The following CSMD3 variants were observed in gnomAD, a reference collection of about 807,000 sequenced individuals.
The protein encoded by CSMD3 is CUB and Sushi multiple domains 3.
Under a neutral mutation model 435.2 loss-of-function variants are expected in CSMD3, and 177 were observed. The observed-to-expected ratio is 0.41, with a 90% CI of 0.36 to 0.46. The LOEUF (loss-of-function observed/expected upper bound fraction) is 0.46. Ranked by LOEUF, CSMD3 falls within the 20% of genes least tolerant of loss-of-function variation. The pLI is 0.34. For synonymous variants in CSMD3, 1,656 were observed against 1,520.5 expected, an observed-to-expected ratio of 1.09 and a Z score of -2.07; for missense variants, 4,265 against 4,504.6, an observed-to-expected ratio of 0.95 and a Z score of 1.52.
At chr8:112,817,968 T>C (rs913613828) in intron 12 of CSMD3, among the ~76,000 whole-genome samples, 2 of 151,876 alleles carry the variant, frequency 1.3e-5, no homozygotes, top group Non-Finnish European at 2.9e-5. Flanking sequence ...GTTAGCAAAT[T>C]ACAAAAAAAT....
intron 45 of CSMD3, among the ~76,000 whole-genome samples, chr8:112,320,638 C>T (rs191576061): frequency 6.4e-5 from 9 of 139,956 alleles, no homozygotes; most frequent in Non-Finnish European, 1.1e-4. Flanking sequence ...ATCCCTCCCC[C>T]CTCCCCTCCA....
chr8:113,320,329 T>G (rs765625658), intron 1 of CSMD3, among the ~76,000 whole-genome samples: 1 of 152,134 alleles, frequency 6.6e-6, no homozygotes, highest in Non-Finnish European at 1.5e-5. Flanking sequence ...AAATTTTATA[T>G]GACTTAGGTC....
chr8:112,624,429 T>C (rs1834323552), intron 22 of CSMD3, among the ~76,000 whole-genome samples: 1 of 152,132 alleles, frequency 6.6e-6, no homozygotes, highest in Admixed American at 6.6e-5. Context: ...TTCATGCTGC[T>C]TGACTTCAAG....
chr8:112,264,599 C>A (rs902185126), intron 60 of CSMD3, among the ~76,000 whole-genome samples: 1 of 151,962 alleles, frequency 6.6e-6, no homozygotes, highest in Non-Finnish European at 1.5e-5. Flanking sequence ...AATGTCTGCT[C>A]ATGTATTTTC....
At chr8:112,619,665 A>T (rs1021002966) in intron 22 of CSMD3, among the ~76,000 whole-genome samples, 2 of 152,068 alleles carry the variant, frequency 1.3e-5, no homozygotes, top group Non-Finnish European at 2.9e-5. Flanking sequence ...TGTGTTCCTA[A>T]GGCCAGCTAC....
intron 24 of CSMD3, among the ~76,000 whole-genome samples, chr8:112,565,589 A>T (rs1425719256): frequency 6.6e-6 from 1 of 152,136 alleles, no homozygotes; most frequent in Non-Finnish European, 1.5e-5. Flanking sequence ...ATATATTTAC[A>T]GTTTTCTCTT....
At chr8:113,269,801 C>T (rs1300755003) in intron 3 of CSMD3, among the ~76,000 whole-genome samples, 2 of 152,106 alleles carry the variant, frequency 1.3e-5, no homozygotes, top group East Asian at 3.9e-4. Context: ...ACACCTTATA[C>T]AAAAATTAAT....
intron 22 of CSMD3, among the ~76,000 whole-genome samples, chr8:112,636,431 A>G (rs1299332710): frequency 2.0e-5 from 3 of 152,112 alleles, no homozygotes; most frequent in Non-Finnish European, 4.4e-5. Flanking sequence ...AATAGAATAC[A>G]AGAATTCTAT....
intron 10 of CSMD3, among the ~76,000 whole-genome samples, chr8:112,905,566 G>A (rs765580358): frequency 2.0e-5 from 3 of 151,360 alleles, no homozygotes; most frequent in Non-Finnish European, 4.4e-5. Context: ...TTTGGAAGAT[G>A]GAGATAGTGT....
chr8:112,329,438 A>G (rs1220554023), intron 45 of CSMD3, among the ~76,000 whole-genome samples: 1 of 152,134 alleles, frequency 6.6e-6, no homozygotes, highest in African/African-American at 2.4e-5. Flanking sequence ...CACCTTCTAG[A>G]AAAAATACTA....
intron 27 of CSMD3, among the ~76,000 whole-genome samples, chr8:112,539,653 T>C (rs958845779): frequency 2.0e-5 from 3 of 151,886 alleles, no homozygotes; most frequent in South Asian, 2.1e-4. Context: ...ACAGATACAC[T>C]GTGAAAGGAC....
chr8:113,184,248 T>TGAA (rs1217148914), intron 3 of CSMD3, among the ~76,000 whole-genome samples: 1 of 152,040 alleles, frequency 6.6e-6, no homozygotes, highest in African/African-American at 2.4e-5. Flanking sequence ...CTCCAGATGT[T>TGAA]TAGCTATCTG....
intron 27 of CSMD3, among the ~76,000 whole-genome samples, chr8:112,531,825 G>A (rs1013682662): frequency 6.6e-5 from 10 of 152,006 alleles, no homozygotes; most frequent in African/African-American, 2.4e-4. Context: ...ATTGACACAT[G>A]TCCACAAGCC....
At chr8:112,395,783 T>C (rs1044989683) in intron 35 of CSMD3, among the ~76,000 whole-genome samples, 6 of 152,292 alleles carry the variant, frequency 3.9e-5, no homozygotes, top group African/African-American at 1.4e-4. Context: ...TTTAGGAGAC[T>C]GCATAGTTTA....
intron 6 of CSMD3, among the ~76,000 whole-genome samples, chr8:112,991,394 CTACAG>C (rs2085452027): frequency 6.6e-6 from 1 of 151,710 alleles, no homozygotes; most frequent in South Asian, 2.1e-4. Context: ...GTGTAGTCAA[CTACAG>C]TACATGTGCA....
intron 1 of CSMD3, among the ~76,000 whole-genome samples, chr8:113,317,420 T>A (rs1378548287): frequency 6.6e-6 from 1 of 152,200 alleles, no homozygotes; most frequent in Non-Finnish European, 1.5e-5. Flanking sequence ...AGGACATATG[T>A]CTTAAAATAA....
intron 4 of CSMD3, among the ~76,000 whole-genome samples, chr8:113,169,990 C>T (rs1289301636): frequency 6.6e-6 from 1 of 152,132 alleles, no homozygotes; most frequent in Non-Finnish European, 1.5e-5. Flanking sequence ...AAAACCTTTA[C>T]ACCATACCCT....
At chr8:112,781,318 C>A (rs2078379523) in intron 13 of CSMD3, among the ~76,000 whole-genome samples, 1 of 151,956 alleles carries the variant, frequency 6.6e-6, no homozygotes, top group African/African-American at 2.4e-5. Flanking sequence ...CAGGGATGGC[C>A]ATGAGGTGAG....
chr8:113,199,113 T>A (rs568288581), intron 3 of CSMD3, among the ~76,000 whole-genome samples: 3 of 149,856 alleles, frequency 2.0e-5, no homozygotes, highest in African/African-American at 7.3e-5. Flanking sequence ...CAAATATATA[T>A]AGTATATATT....
Sources: gnomAD v4.1 joint callset for allele counts (sites outside exome capture counted in the v4.1 genomes callset) on GRCh38, gnomAD v4.1.1 for gene constraint, MANE v1.5 for transcripts, NCBI Gene and HGNC (gene_info 2026-07-23, HGNC 2026-07-21) for gene names.